The following ADAM12 variants were observed in gnomAD, a reference collection of about 807,000 sequenced individuals.
ADAM12 encodes ADAM metallopeptidase domain 12, also known as disintegrin and metalloproteinase domain-containing protein 12.
ADAM12 carries 70 observed loss-of-function variants against 106.4 expected under a neutral mutation model. The observed-to-expected ratio is 0.66, with a 90% CI of 0.54 to 0.80. The LOEUF is 0.80. ADAM12 is among the 30% of genes least tolerant of loss of function. The pLI is 0.00. For missense variants in ADAM12, 1,010 were observed against 1,171.9 expected (o/e 0.86, Z 2.02); for synonymous variants, 420 against 433.5 (o/e 0.97, Z 0.39).
chr10:126,299,712 C>T (rs1249944076), intron 2 of ADAM12, among the ~76,000 whole-genome samples: 3 of 151,954 alleles, frequency 2.0e-5, no homozygotes, highest in Admixed American at 6.6e-5. Flanking sequence ...GGCGCAATGT[C>T]GGCTCACTGC....
intron 3 of ADAM12, among the ~76,000 whole-genome samples, chr10:126,205,873 G>A (rs1326994005): frequency 6.6e-6 from 1 of 152,074 alleles, no homozygotes; most frequent in African/African-American, 2.4e-5. Context: ...ATTTGAGTTA[G>A]TCTGGTCATA....
chr10:126,353,938 G>A (rs1293064699), intron 1 of ADAM12, among the ~76,000 whole-genome samples: 1 of 151,950 alleles, frequency 6.6e-6, no homozygotes, highest in African/African-American at 2.4e-5. Flanking sequence ...CTGGCCAGGG[G>A]AATCATGTTG....
At position 126,049,653 on chromosome 10, in the gene ADAM12, AG is replaced by A; in HGVS notation, c.1625del (p.Pro542LeufsTer31). The A allele has an allele frequency of 6.2e-7, 1 of 1,614,172 alleles. No individual in the cohort carries two copies. The highest frequency in any genetic ancestry group is 2.2e-5 in the East Asian group (1 of 44,884). ...TLWGPGAKPA[P>X]GICFERVNSA... Reference sequence around the variant, plus strand: ...AATTGACTCTCTCAAAGCAGATCCCAGGGGCAGGTTTAGCACCTGAAACAGA... The same window carrying A: ...AATTGACTCTCTCAAAGCAGATCCCAGGGCAGGTTTAGCACCTGAAACAGA... On this transcript the variant is annotated frameshift_variant, in exon 15 of 23. Coordinates refer to ENST00000448723, the MANE Select transcript of ADAM12 (RefSeq NM_001288973.2). LOFTEE classifies it high-confidence loss of function. This position sits in a 1 kb window ranked among gnomAD's most constrained non-coding sequence, Gnocchi z 4.4.
chr10:126,357,426 A>T (rs1480082795), intron 1 of ADAM12, among the ~76,000 whole-genome samples: 2 of 152,200 alleles, frequency 1.3e-5, no homozygotes, highest in Middle Eastern at 3.2e-3. Flanking sequence ...AACAAAAGCT[A>T]AGCAGAGATT....
chr10:126,029,864 C>G (rs2133387561), intron 21 of ADAM12, among the ~76,000 whole-genome samples: 1 of 152,306 alleles, frequency 6.6e-6, no homozygotes, highest in Admixed American at 6.5e-5. Context: ...TGAAAAACCT[C>G]CGAACACACT....
intron 21 of ADAM12, among the ~76,000 whole-genome samples, chr10:126,033,190 T>G (rs1239495107): frequency 6.6e-6 from 1 of 152,144 alleles, no homozygotes; most frequent in Non-Finnish European, 1.5e-5. Flanking sequence ...AATGTCACAC[T>G]AGTAGCTTGA....
At chr10:126,033,463 C>G (rs906074147) in intron 21 of ADAM12, among the ~76,000 whole-genome samples, 1 of 152,204 alleles carries the variant, frequency 6.6e-6, no homozygotes, top group Non-Finnish European at 1.5e-5. Context: ...ACTCAAGGAA[C>G]TACCCAGTGG....
intron 1 of ADAM12, among the ~76,000 whole-genome samples, chr10:126,351,301 G>C (rs3847474): frequency 0.69 from 104,234 of 151,966 alleles, 35,963 homozygotes; most frequent in Admixed American, 0.74. Context: ...TGGCTTCTGG[G>C]AGCTCTGTCC....
At chr10:126,123,854 G>T (rs956789670) in intron 5 of ADAM12, among the ~76,000 whole-genome samples, 1 of 152,168 alleles carries the variant, frequency 6.6e-6, no homozygotes, top group African/African-American at 2.4e-5. Context: ...AAATGGAGCC[G>T]CTGCTTTGAA....
At chr10:126,214,545 A>G (rs1219459847) in intron 3 of ADAM12, among the ~76,000 whole-genome samples, 1 of 152,228 alleles carries the variant, frequency 6.6e-6, no homozygotes, top group Non-Finnish European at 1.5e-5. Flanking sequence ...GACTGGAAGC[A>G]GTGGCTGCCT....
Position 126,185,737 on chromosome 10 carries a change from A to C in ADAM12, c.261-30432T>G, listed in dbSNP as rs144590134. Among the ~76,000 whole-genome samples, 565 of 152,190 alleles carry C rather than the reference A, an allele frequency of 3.7e-3. 4 individuals are homozygous for C. Among genetic ancestry groups the C allele is most frequent in the Middle Eastern group, 0.017 (5 of 294 alleles). ...AGTGAGAAAGAGCAGACCAATGCAC[A>C]GTGGCTGGAGCTACACCGGCCTGGG... On this transcript the variant is annotated intron_variant, in intron 3 of 22. Transcript: ENST00000448723.
At chr10:126,209,715 A>G (rs1957864271) in intron 3 of ADAM12, among the ~76,000 whole-genome samples, 1 of 152,202 alleles carries the variant, frequency 6.6e-6, no homozygotes, top group African/African-American at 2.4e-5. Flanking sequence ...CAAGGCCTAT[A>G]TTGTTATATT....
intron 13 of ADAM12, among the ~76,000 whole-genome samples, chr10:126,065,581 C>T (rs1324642490): frequency 2.6e-5 from 4 of 152,080 alleles, no homozygotes; most frequent in Admixed American, 6.5e-5. Flanking sequence ...ACCAATGGCT[C>T]AGCTTTTTGT....
chr10:126,298,756 C>T (rs1960488133), intron 2 of ADAM12, among the ~76,000 whole-genome samples: 1 of 151,694 alleles, frequency 6.6e-6, no homozygotes, highest in Admixed American at 6.6e-5. Flanking sequence ...AAAACAGAGA[C>T]AAAGAAAAGA....
chr10:126,291,855 A>G, intron 2 of ADAM12, among the ~76,000 whole-genome samples: 1 of 152,142 alleles, frequency 6.6e-6, no homozygotes, highest in East Asian at 1.9e-4. Context: ...CCAGACTATC[A>G]CTTCACCAGG....
At chr10:126,267,517 T>G (rs948006609) in intron 3 of ADAM12, among the ~76,000 whole-genome samples, 1 of 152,150 alleles carries the variant, frequency 6.6e-6, no homozygotes, top group African/African-American at 2.4e-5. Context: ...GGCATTAGAT[T>G]CTCATAAGGA....
chr10:126,169,186 G>C (rs911229266), intron 3 of ADAM12, among the ~76,000 whole-genome samples: 2 of 152,084 alleles, frequency 1.3e-5, no homozygotes, highest in Non-Finnish European at 2.9e-5. Context: ...TTCTTATCTT[G>C]GTCTGGAACA....
intron 4 of ADAM12, among the ~76,000 whole-genome samples, chr10:126,144,027 C>T (rs191437129): frequency 3.0e-4 from 46 of 152,288 alleles, no homozygotes; most frequent in Non-Finnish European, 5.6e-4. Flanking sequence ...ACCCATCCTC[C>T]GAGCATCTCT....
At chr10:126,317,184 T>G (rs533786280) in intron 2 of ADAM12, among the ~76,000 whole-genome samples, 5 of 152,270 alleles carry the variant, frequency 3.3e-5, no homozygotes, top group Admixed American at 3.3e-4. Flanking sequence ...CCACAGCCCT[T>G]CTGAGGAGTC....
Sources: gnomAD v4.1 joint callset for allele counts (sites outside exome capture counted in the v4.1 genomes callset) on GRCh38, gnomAD v4.1.1 for gene constraint, Gnocchi (gnomAD v3.1) non-coding constraint, MANE v1.5 for transcripts, NCBI Gene and HGNC (gene_info 2026-07-23, HGNC 2026-07-21) for gene names.